The following NCAM1 variants were observed in gnomAD, a reference collection of about 807,000 sequenced individuals.
NCAM1 encodes the protein antigen recognized by monoclonal antibody 5.1H11.
Under a neutral mutation model 109.8 loss-of-function variants are expected in NCAM1, and 14 were observed. The observed-to-expected ratio is 0.13, with a 90% CI of 0.08 to 0.20. NCAM1 has a LOEUF of 0.20. Among genes scored for constraint, NCAM1 ranks in the 10% least tolerant of loss-of-function variants. NCAM1 has a pLI of 1.00. For synonymous variants in NCAM1, 418 were observed against 442.9 expected, an observed-to-expected ratio of 0.94 and a Z score of 0.70; for missense variants, 774 against 1,109.9, an observed-to-expected ratio of 0.70 and a Z score of 4.30.
intron 15 of NCAM1, among the ~76,000 whole-genome samples, chr11:113,254,539 G>T (rs535363263): frequency 6.6e-6 from 1 of 152,312 alleles, no homozygotes; most frequent in South Asian, 2.1e-4. Context: ...CTCTTCCTTA[G>T]CCTTCTCTCT....
Position 113,277,148 on chromosome 11 carries a change from C to T in NCAM1, c.*1761C>T. On this transcript the variant is annotated 3_prime_UTR_variant, in exon 20 of 20. Transcript: ENST00000316851. ...TAAGTAAACAGAAATCAGTACTCCG[C>T]ATGCGCTCCTCTCCTAAGGTACAAA... is the stretch of plus-strand genomic sequence containing the variant. 1 of 394,918 alleles carries T rather than the reference C, an allele frequency of 2.5e-6. No homozygotes were observed. Among genetic ancestry groups the T allele is most frequent in the Non-Finnish European group, 4.5e-6 (1 of 224,070 alleles). 24.5% of individuals were successfully genotyped at this position (394,918 alleles called of 1,614,324 possible).
At chr11:113,160,330 C>T (rs949852212) in intron 1 of NCAM1, among the ~76,000 whole-genome samples, 4 of 152,162 alleles carry the variant, frequency 2.6e-5, no homozygotes, top group African/African-American at 2.4e-5. Context: ...CTCTTTAGTT[C>T]TGCTTCGCTC....
chr11:113,016,234 A>G (rs1226324879), intron 1 of NCAM1, among the ~76,000 whole-genome samples: 1 of 152,152 alleles, frequency 6.6e-6, no homozygotes, highest in Non-Finnish European at 1.5e-5. Context: ...ACCCCGTTTC[A>G]TCCTCATGGC....
At chr11:113,083,721 A>G (rs978041720) in intron 1 of NCAM1, among the ~76,000 whole-genome samples, 5 of 152,168 alleles carry the variant, frequency 3.3e-5, no homozygotes, top group African/African-American at 1.2e-4. Flanking sequence ...TCCAGAGCAG[A>G]GCCTGAGAGT....
intron 1 of NCAM1, among the ~76,000 whole-genome samples, chr11:113,043,879 C>T (rs111724828): frequency 6.6e-6 from 1 of 152,036 alleles, no homozygotes; most frequent in Non-Finnish European, 1.5e-5. Context: ...GTGTCATGTG[C>T]TCTGCAGGTG....
intron 1 of NCAM1, among the ~76,000 whole-genome samples, chr11:113,179,104 A>G (rs564676600): frequency 6.6e-5 from 10 of 152,200 alleles, no homozygotes; most frequent in Non-Finnish European, 1.0e-4. Context: ...CACCACAGAT[A>G]TGGGTGAATG....
intron 13 of NCAM1, 89 bp from the exon 14 acceptor site, chr11:113,234,944 A>AT (rs202004054): frequency 0.016 from 22,761 of 1,429,660 alleles, 242 homozygotes; most frequent in South Asian, 0.028. Flanking sequence ...TCTACAGTTA[A>AT]TTTTTTCAGG....
chr11:112,986,386 C>G (rs1198044765), intron 1 of NCAM1, among the ~76,000 whole-genome samples: 5 of 151,770 alleles, frequency 3.3e-5, no homozygotes, highest in Non-Finnish European at 7.4e-5. Flanking sequence ...CTTGTAGTGT[C>G]CTTGTCTGGC....
At chr11:113,159,185 A>G (rs1442400560) in intron 1 of NCAM1, among the ~76,000 whole-genome samples, 4 of 152,234 alleles carry the variant, frequency 2.6e-5, no homozygotes, top group Non-Finnish European at 5.9e-5. Context: ...TATTTGTAAA[A>G]GGTAACAAGA....
intron 1 of NCAM1, among the ~76,000 whole-genome samples, chr11:112,983,729 G>A (rs1555069131): frequency 6.6e-6 from 1 of 151,888 alleles, no homozygotes; most frequent in Non-Finnish European, 1.5e-5. Flanking sequence ...GGAATGTGTT[G>A]GCTCTGCATT....
rs538877158 is a variant in NCAM1, at chr11:113,142,245, G to A, written c.53-60134G>A. Reference sequence around the variant, plus strand: ...GGAAAAAGTTAGGAAACTGAGACACGGAAGGGTAAATTTGGGGGCAGCTGT... The same window carrying A: ...GGAAAAAGTTAGGAAACTGAGACACAGAAGGGTAAATTTGGGGGCAGCTGT... On this transcript the variant is annotated intron_variant, in intron 1 of 19. Transcript: ENST00000316851. Among the ~76,000 whole-genome samples, 33 of 152,252 alleles carry A rather than the reference G, an allele frequency of 2.2e-4. No individual in the cohort carries two copies. In the South Asian group the frequency reaches 6.6e-3, roughly 31 times the overall value.
chr11:113,247,017 G>A (rs1442244376), intron 15 of NCAM1, among the ~76,000 whole-genome samples: 1 of 152,138 alleles, frequency 6.6e-6, no homozygotes, highest in African/African-American at 2.4e-5. Context: ...AAGTCACTTG[G>A]CAATTACCAT....
chr11:113,033,964 T>C (rs927758463), intron 1 of NCAM1, among the ~76,000 whole-genome samples: 1 of 152,232 alleles, frequency 6.6e-6, no homozygotes, highest in Non-Finnish European at 1.5e-5. Context: ...TATAATCTGC[T>C]TTTTTTCAAG....
chr11:113,232,304 A>G lies in NCAM1; in HGVS notation c.1375A>G (p.Asn459Asp). The change falls in exon 11 of 20, where the codon AAT becomes GAT. Residue 459 changes from asparagine (N) to aspartate (D), a missense_variant. Physicochemically the swap from Asn to Asp is conservative, Grantham distance 23. This residue lies in a region of NCAM1 where 523 missense variants were observed against 784.2 expected (regional missense o/e 0.67). Coordinates refer to ENST00000316851, the MANE Select transcript of NCAM1 (RefSeq NM_181351.5). ...FRDGQLLPSS[N>D]YSNIKIYNTP... ...GGATGGCCAGCTGCTGCCAAGCTCC[A>G]ATTACAGCAATATCAAGATCTACAA... 1 of 1,613,588 alleles carries G rather than the reference A, an allele frequency of 6.2e-7. No individual in the cohort carries two copies. The highest frequency in any genetic ancestry group is 8.5e-7 in the Non-Finnish European group (1 of 1,179,724).
In NCAM1 at chr11:113,207,398, C is replaced by G. The variant is rs565989209; in HGVS notation, c.746+20C>G. On this transcript the variant is annotated intron_variant, in intron 6 of 19. Coordinates refer to ENST00000316851, the MANE Select transcript of NCAM1 (RefSeq NM_181351.5). Reference sequence around the variant, plus strand: ...GACAAAGTAAGAAACTGGCTCATACCTTTTATCATGGACTAGAGGAGAATG... The same window carrying G: ...GACAAAGTAAGAAACTGGCTCATACGTTTTATCATGGACTAGAGGAGAATG... 1.9e-6 allele frequency: 3 copies of G among 1,583,938 alleles called. No individual in the cohort carries two copies. The highest frequency in any genetic ancestry group is 3.3e-5 in the Admixed American group (2 of 59,892).
intron 4 of NCAM1, 128 bp from the exon 5 acceptor site, chr11:113,205,915 T>C (rs1469302628): frequency 1.6e-6 from 2 of 1,249,374 alleles, no homozygotes; most frequent in African/African-American, 3.0e-5. Flanking sequence ...CAGGGACGCA[T>C]TTTCTTATTT....
intron 1 of NCAM1, among the ~76,000 whole-genome samples, chr11:113,191,741 A>T (rs1241766907): frequency 1.4e-5 from 2 of 147,664 alleles, no homozygotes; most frequent in East Asian, 4.0e-4. Context: ...ATATACACAC[A>T]TGTATGTGTG....
chr11:113,231,146 G>A, intron 9 of NCAM1: 1 of 1,480,736 alleles, frequency 6.8e-7, no homozygotes, highest in Non-Finnish European at 9.1e-7. Context: ...CAGAAATAAG[G>A]ATTTCTTTAA....
intron 1 of NCAM1, among the ~76,000 whole-genome samples, chr11:113,020,526 T>C (rs1555076073): frequency 6.6e-6 from 1 of 152,204 alleles, no homozygotes; most frequent in Non-Finnish European, 1.5e-5. Context: ...ATATTTTTAC[T>C]TTAGAGGCTA....
Sources: gnomAD v4.1 joint callset for allele counts (sites outside exome capture counted in the v4.1 genomes callset) on GRCh38, gnomAD v4.1.1 for gene constraint, gnomAD v4.1.1 regional missense constraint, MANE v1.5 for transcripts, NCBI Gene and HGNC (gene_info 2026-07-23, HGNC 2026-07-21) for gene names.